LOC400499: variants seen among roughly 807,000 people sequenced by gnomAD.
the LOC400499 span, chr16:11,390,192 T>TG: frequency 8.1e-7 from 1 of 1,232,542 alleles, no homozygotes; most frequent in Non-Finnish European, 1.0e-6. Context: ...AGACAGCATC[T>TG]GTTGGGCGGC....
the LOC400499 span, chr16:11,392,123 G>T: frequency 1.3e-5 from 5 of 399,038 alleles, no homozygotes; most frequent in South Asian, 1.3e-4. Context: ...AGAGGAAGAG[G>T]CTGGGGCCTC....
chr16:11,517,046 C>T, the LOC400499 span, among the ~76,000 whole-genome samples: 3 of 152,176 alleles, frequency 2.0e-5, no homozygotes, highest in Admixed American at 1.3e-4. Context: ...GACAGATCCT[C>T]CAAAAGGAAC....
At chr16:11,380,363 C>A in the LOC400499 span, among the ~76,000 whole-genome samples, 2 of 151,820 alleles carry the variant, frequency 1.3e-5, no homozygotes, top group African/African-American at 4.8e-5. Flanking sequence ...GGGCAGATCA[C>A]GAAGTCAGGA....
At chr16:11,422,436 G>A in the LOC400499 span, among the ~76,000 whole-genome samples, 5 of 150,272 alleles carry the variant, frequency 3.3e-5, no homozygotes, top group African/African-American at 7.3e-5. Flanking sequence ...GGAACAGAAC[G>A]GAACGGAAAG....
the LOC400499 span, among the ~76,000 whole-genome samples, chr16:11,388,904 T>C: frequency 6.6e-6 from 1 of 152,132 alleles, no homozygotes; most frequent in Non-Finnish European, 1.5e-5. Context: ...CTGGCTAATA[T>C]GGTGAAACCC....
At chr16:11,381,534 A>G in the LOC400499 span, among the ~76,000 whole-genome samples, 8 of 152,318 alleles carry the variant, frequency 5.3e-5, no homozygotes, top group East Asian at 1.5e-3. Context: ...AGAGTCTTTC[A>G]GACAGCAAAA....
the LOC400499 span, among the ~76,000 whole-genome samples, chr16:11,377,104 C>G: frequency 1.3e-5 from 2 of 152,166 alleles, no homozygotes; most frequent in Non-Finnish European, 2.9e-5. Context: ...TAGGCGTGCA[C>G]AACCATGCCC....
the LOC400499 span, chr16:11,385,474 G>C: frequency 8.7e-7 from 1 of 1,146,692 alleles, no homozygotes; most frequent in African/African-American, 1.6e-5. Flanking sequence ...CACCGCAGTA[G>C]GAGCCCAATG....
At chr16:11,455,451 G>T in the LOC400499 span, among the ~76,000 whole-genome samples, 1 of 152,068 alleles carries the variant, frequency 6.6e-6, no homozygotes, top group Non-Finnish European at 1.5e-5. Context: ...ACTTGGGGTA[G>T]GGGCCAGGCA....
the LOC400499 span, among the ~76,000 whole-genome samples, chr16:11,423,919 C>G: frequency 1.3e-5 from 2 of 152,238 alleles, no homozygotes; most frequent in African/African-American, 4.8e-5. Context: ...GGTGCAGCCC[C>G]AGCACCAGCC....
the LOC400499 span, among the ~76,000 whole-genome samples, chr16:11,520,060 G>A: frequency 1.9e-3 from 290 of 152,234 alleles, 3 homozygotes; most frequent in African/African-American, 6.7e-3. Flanking sequence ...GAGACAGAAA[G>A]CAGAACAGAG....
At chr16:11,391,055 C>T in the LOC400499 span, among the ~76,000 whole-genome samples, 1 of 152,106 alleles carries the variant, frequency 6.6e-6, no homozygotes, top group East Asian at 1.9e-4. Context: ...TAGCGCTGGG[C>T]GGAGTCCTGG....
chr16:11,501,736 G>A, the LOC400499 span, among the ~76,000 whole-genome samples: 2 of 151,900 alleles, frequency 1.3e-5, no homozygotes, highest in Admixed American at 6.6e-5. Flanking sequence ...GACTCTCCAC[G>A]CCCCCAGCAG....
chr16:11,411,167 C>A, the LOC400499 span: 1 of 398,952 alleles, frequency 2.5e-6, no homozygotes, highest in South Asian at 1.3e-4. Context: ...TTAACACTCC[C>A]CAGAGGGGCC....
chr16:11,375,202 A>G, the LOC400499 span, among the ~76,000 whole-genome samples: 84 of 142,304 alleles, frequency 5.9e-4, 8 homozygotes, highest in Admixed American at 1.2e-3. Context: ...GCACCATTTT[A>G]TACTCCCCGT....
At chr16:11,374,293 C>T in the LOC400499 span, among the ~76,000 whole-genome samples, 1 of 152,098 alleles carries the variant, frequency 6.6e-6, no homozygotes, top group East Asian at 1.9e-4. Context: ...TATCACCATG[C>T]CTAGCACAGA....
chr16:11,417,608 C>T, the LOC400499 span: 8 of 398,846 alleles, frequency 2.0e-5, no homozygotes, highest in Non-Finnish European at 2.7e-5. Flanking sequence ...TCCCCAGTCC[C>T]GGGCTGTGCG....
At chr16:11,434,979 T>C in the LOC400499 span, among the ~76,000 whole-genome samples, 1 of 152,168 alleles carries the variant, frequency 6.6e-6, no homozygotes, top group African/African-American at 2.4e-5. Flanking sequence ...ACATGATTAT[T>C]ATTATTACTA....
the LOC400499 span, chr16:11,502,184 C>G: frequency 0.71 from 283,328 of 398,872 alleles, 102,409 homozygotes; most frequent in African/African-American, 0.88. Context: ...CCATGGCCTG[C>G]GATTCAGAGG....
Sources: gnomAD v4.1 joint callset for allele counts (sites outside exome capture counted in the v4.1 genomes callset) on GRCh38, gnomAD v4.1.1 for gene constraint, MANE v1.5 for transcripts.